The following NCAM1 variants were observed in gnomAD, a reference collection of about 807,000 sequenced individuals.
The protein encoded by NCAM1 is antigen recognized by monoclonal antibody 5.1H11.
NCAM1 carries 14 observed loss-of-function variants against 109.8 expected under a neutral mutation model. That is an observed-to-expected ratio of 0.13 (90% confidence interval 0.08 to 0.20). The LOEUF (loss-of-function observed/expected upper bound fraction) is 0.20, where lower values mean the gene tolerates loss of function less well. Among genes scored for constraint, NCAM1 ranks in the 10% least tolerant of loss-of-function variants. NCAM1 has a pLI of 1.00. For missense variants in NCAM1, 774 were observed against 1,109.9 expected, an observed-to-expected ratio of 0.70 and a Z score of 4.30; for synonymous variants, 418 against 442.9, an observed-to-expected ratio of 0.94 and a Z score of 0.70.
At chr11:113,061,354 T>C (rs1413663074) in intron 1 of NCAM1, among the ~76,000 whole-genome samples, 1 of 152,228 alleles carries the variant, frequency 6.6e-6, no homozygotes, top group Non-Finnish European at 1.5e-5. Context: ...CTTATAACTT[T>C]AGAGTCTAAG....
chr11:113,162,880 T>A (rs1176630295), intron 1 of NCAM1, among the ~76,000 whole-genome samples: 2 of 152,194 alleles, frequency 1.3e-5, no homozygotes, highest in Non-Finnish European at 2.9e-5. Context: ...AAATTCGAAA[T>A]GGACGTTCAG....
chr11:113,148,718 G>T (rs1451613768), intron 1 of NCAM1, among the ~76,000 whole-genome samples: 1 of 152,168 alleles, frequency 6.6e-6, no homozygotes, highest in African/African-American at 2.4e-5. Flanking sequence ...TTTCAAACCT[G>T]CTCACTCAAT....
At chr11:112,968,438 A>G (rs965686273) in intron 1 of NCAM1, among the ~76,000 whole-genome samples, 1 of 152,220 alleles carries the variant, frequency 6.6e-6, no homozygotes, top group Non-Finnish European at 1.5e-5. Flanking sequence ...ATCTAAAAGG[A>G]GATAAACTGG....
rs1368588836 is a variant in NCAM1, at chr11:113,274,226, G to A, written c.2457-1041G>A. Among the ~76,000 whole-genome samples the A allele has an allele frequency of 6.6e-6, 1 of 152,130 alleles. No homozygotes were observed. Among genetic ancestry groups the A allele is most frequent in the Non-Finnish European group, 1.5e-5 (1 of 68,018 alleles). On this transcript the variant is annotated intron_variant, in intron 19 of 19. Transcript: ENST00000316851. This position sits in a 1 kb window ranked among gnomAD's most constrained non-coding sequence, Gnocchi z 4.1. ...AGTTCAGAGGTCCCCTCACACTGTGGCTCAGATGCTCACCCTCCCCTCCCA... is the reference window on the plus strand; with the variant it reads ...AGTTCAGAGGTCCCCTCACACTGTGACTCAGATGCTCACCCTCCCCTCCCA...
At chr11:113,155,618 T>C (rs1942382395) in intron 1 of NCAM1, among the ~76,000 whole-genome samples, 1 of 152,156 alleles carries the variant, frequency 6.6e-6, no homozygotes, top group Non-Finnish European at 1.5e-5. Context: ...TTGAGGAGCT[T>C]TGAGGCTGCT....
At chr11:113,267,478 C>T (rs527933391) in intron 17 of NCAM1, among the ~76,000 whole-genome samples, 1 of 151,586 alleles carries the variant, frequency 6.6e-6, no homozygotes, top group Admixed American at 6.6e-5. Flanking sequence ...GACACTGGGA[C>T]TGAGGCCTGC....
chr11:113,262,426 C>G (rs1331982130), intron 17 of NCAM1, among the ~76,000 whole-genome samples: 1 of 152,204 alleles, frequency 6.6e-6, no homozygotes, highest in Non-Finnish European at 1.5e-5. Context: ...AGGTAACACT[C>G]TCCTAATCAA....
intron 1 of NCAM1, among the ~76,000 whole-genome samples, chr11:113,044,695 A>G (rs1276362046): frequency 4.6e-5 from 7 of 151,846 alleles, no homozygotes; most frequent in African/African-American, 1.7e-4. Context: ...CAAAAAACAC[A>G]AACAAAACCA....
intron 17 of NCAM1, chr11:113,264,259 T>G: frequency 1.0e-6 from 1 of 985,400 alleles, no homozygotes; most frequent in Non-Finnish European, 1.2e-6. Context: ...TTGTTATTAT[T>G]TTTTAATGTT....
intron 1 of NCAM1, among the ~76,000 whole-genome samples, chr11:113,195,557 C>T (rs1182403986): frequency 3.0e-5 from 4 of 133,076 alleles, no homozygotes; most frequent in African/African-American, 8.8e-5. Context: ...GACTGGAGTG[C>T]AGTGGCGCGA....
chr11:113,110,269 A>T (rs1591333831), intron 1 of NCAM1, among the ~76,000 whole-genome samples: 1 of 152,328 alleles, frequency 6.6e-6, no homozygotes, highest in Middle Eastern at 3.4e-3. Flanking sequence ...ACTTCCTGGC[A>T]TGTATTATGG....
chr11:113,002,063 T>G (rs2134995817), intron 1 of NCAM1, among the ~76,000 whole-genome samples: 1 of 152,276 alleles, frequency 6.6e-6, no homozygotes, highest in Admixed American at 6.5e-5. Flanking sequence ...GTTAGTTCGG[T>G]TTAGGCCAGA....
At chr11:113,236,196 T>C in intron 14 of NCAM1, 1 of 1,180,448 alleles carries the variant, frequency 8.5e-7, no homozygotes, top group Admixed American at 2.0e-5. Flanking sequence ...TCCAGCTCCA[T>C]GTGCTCTGCG....
rs138025184 is a variant in NCAM1, at chr11:113,087,587, G to T, written c.53-114792G>T. On this transcript the variant is annotated intron_variant, in intron 1 of 19. Transcript: ENST00000316851. ...GACCCCAGAAAAACCCTTCCTGATG[G>T]CATGCAGCTAACTTAAGGGTGTCAA... is the stretch of plus-strand genomic sequence containing the variant. Among the ~76,000 whole-genome samples, 39 of 152,236 alleles carry T rather than the reference G, an allele frequency of 2.6e-4. No individual in the cohort carries two copies. In the East Asian group the frequency reaches 7.3e-3, roughly 29 times the overall value.
rs1555072319 is a variant in NCAM1 at position 113,000,851 on chromosome 11, C to CACA, written c.52+39188_52+39189insCAA. Among the ~76,000 whole-genome samples the CACA allele has an allele frequency of 4.0e-3, 366 of 91,346 alleles. 2 individuals carry two copies. In the Middle Eastern group the frequency reaches 0.043, roughly 11 times the overall value. The allele number at this position is 91,346 out of a possible 152,430, so 59.9% of individuals were successfully genotyped here. A position where few individuals can be genotyped will look rare whatever the true frequency, so the allele number is the denominator to read the frequency against. On this transcript the variant is annotated intron_variant, in intron 1 of 19. Transcript: ENST00000316851. Reference sequence around the variant, plus strand: ...ATATATATATATATATATATATACACAAAAAATATATATATATATACACAT... The same window carrying CACA: ...ATATATATATATATATATATATACACACAAAAAAATATATATATATATACACAT...
At chr11:113,259,378 A>G (rs1466852386) in intron 16 of NCAM1, among the ~76,000 whole-genome samples, 1 of 152,044 alleles carries the variant, frequency 6.6e-6, no homozygotes, top group East Asian at 1.9e-4. Flanking sequence ...CGAAACTGGA[A>G]TCTACACAGT....
chr11:113,045,160 T>C (rs1555080588), intron 1 of NCAM1, among the ~76,000 whole-genome samples: 1 of 152,224 alleles, frequency 6.6e-6, no homozygotes, highest in African/African-American at 2.4e-5. Context: ...TACAAGTGTT[T>C]ACAAGCGAGG....
intron 1 of NCAM1, among the ~76,000 whole-genome samples, chr11:113,190,699 A>G (rs1393297135): frequency 2.0e-5 from 3 of 152,152 alleles, no homozygotes; most frequent in Non-Finnish European, 4.4e-5. Flanking sequence ...TTATTATTCA[A>G]ATGGCTGGAT....
chr11:113,270,148 C>T, intron 17 of NCAM1, 40 bp from the exon 18 acceptor site: 3 of 1,603,086 alleles, frequency 1.9e-6, no homozygotes, highest in Non-Finnish European at 1.7e-6. Flanking sequence ...GGTCTCGCAT[C>T]TCAGTCTGTT....
Sources: gnomAD v4.1 joint callset for allele counts (sites outside exome capture counted in the v4.1 genomes callset) on GRCh38, gnomAD v4.1.1 for gene constraint, Gnocchi (gnomAD v3.1) non-coding constraint, MANE v1.5 for transcripts, NCBI Gene and HGNC (gene_info 2026-07-23, HGNC 2026-07-21) for gene names.